Variants in SMYD3 observed in about 807,000 individuals in gnomAD.
The protein encoded by SMYD3 is histone-lysine N-methyltransferase SMYD3.
In SMYD3, 36 loss-of-function variants were observed where a neutral mutation model predicts 57.7. The ratio of observed to expected loss-of-function variants is 0.62; its 90% CI spans 0.48 to 0.82. SMYD3 has a LOEUF of 0.82. SMYD3 is among the 40% of genes least tolerant of loss of function. SMYD3 has a pLI of 0.00. For synonymous variants in SMYD3, 211 were observed against 195.0 expected (o/e 1.08, Z -0.68); for missense variants, 515 against 538.8 (o/e 0.96, Z 0.44).
intron 8 of SMYD3, among the ~76,000 whole-genome samples, chr1:245,873,813 C>T (rs2052348648): frequency 6.6e-6 from 1 of 152,188 alleles, no homozygotes; most frequent in African/African-American, 2.4e-5. Flanking sequence ...GCATGTAAGA[C>T]TGTGTGACAG....
chr1:246,351,450 T>G (rs1464697135), intron 2 of SMYD3, among the ~76,000 whole-genome samples: 1 of 152,246 alleles, frequency 6.6e-6, no homozygotes, highest in South Asian at 2.1e-4. Context: ...CTGCTCCTCC[T>G]CTTTGATCTC....
intron 8 of SMYD3, among the ~76,000 whole-genome samples, chr1:245,887,628 C>T (rs1294481072): frequency 6.6e-6 from 1 of 152,188 alleles, no homozygotes; most frequent in African/African-American, 2.4e-5. Flanking sequence ...AGGTCAATGT[C>T]TCCTGTGAAG....
chr1:246,404,980 C>A lies in SMYD3; in HGVS notation c.165-49886G>T, dbSNP rs2066837741. Among the ~76,000 whole-genome samples the A allele has an allele frequency of 2.0e-5, 3 of 152,042 alleles. No individual in the cohort carries two copies. In the South Asian group the frequency reaches 6.2e-4, roughly 31 times the overall value. On this transcript the variant is annotated intron_variant, in intron 1 of 11. Coordinates refer to ENST00000490107, the MANE Select transcript of SMYD3 (RefSeq NM_001167740.2). ...GCATGATTCTTTTTTTAGACGGGATCTTACTTTGTCACTCAGGCTGAAGTG... is the reference window on the plus strand; with the variant it reads ...GCATGATTCTTTTTTTAGACGGGATATTACTTTGTCACTCAGGCTGAAGTG...
At chr1:245,853,423 G>A (rs1027413761) in intron 10 of SMYD3, among the ~76,000 whole-genome samples, 4 of 152,226 alleles carry the variant, frequency 2.6e-5, no homozygotes, top group African/African-American at 9.6e-5. Flanking sequence ...GTATGTGACG[G>A]CATCGAACGC....
rs2068361017 is a variant in SMYD3, at chr1:246,496,322, CCA to C, written c.164+10730_164+10731del. 2.6e-5 allele frequency among the ~76,000 whole-genome samples: 4 copies of C among 152,178 alleles called. No individual in the cohort carries two copies. The East Asian group carries it at 7.8e-4, about 30-fold the overall frequency. Reference sequence around the variant, plus strand: ...GTGCTGGGATTACAGGCGTGAGCCACCACGCCTGGCCAGTTTCTTGATTTTTT... The same window carrying C: ...GTGCTGGGATTACAGGCGTGAGCCACCGCCTGGCCAGTTTCTTGATTTTTT... On this transcript the variant is annotated intron_variant, in intron 1 of 11. Transcript: ENST00000490107.
intron 1 of SMYD3, among the ~76,000 whole-genome samples, chr1:246,372,445 A>G (rs2066208532): frequency 6.6e-6 from 1 of 152,246 alleles, no homozygotes; most frequent in Admixed American, 6.5e-5. Flanking sequence ...ATCCCTCTAA[A>G]AGGCTATGAC....
At chr1:246,344,605 C>T (rs905635306) in intron 2 of SMYD3, among the ~76,000 whole-genome samples, 16 of 152,260 alleles carry the variant, frequency 1.1e-4, no homozygotes, top group Admixed American at 7.2e-4. Context: ...AGCAGAACTG[C>T]TGGGTCATAC....
At chr1:245,766,296 G>A (rs908872067) in intron 10 of SMYD3, among the ~76,000 whole-genome samples, 10 of 151,274 alleles carry the variant, frequency 6.6e-5, no homozygotes, top group African/African-American at 1.7e-4. Context: ...CCAGCTACTC[G>A]GGAGGCTGAG....
intron 10 of SMYD3, among the ~76,000 whole-genome samples, chr1:245,837,499 G>A (rs927946040): frequency 2.0e-5 from 3 of 152,068 alleles, no homozygotes; most frequent in African/African-American, 4.8e-5. Flanking sequence ...GTGATTCTCT[G>A]TCCTGCAGTC....
chr1:245,798,207 G>A (rs4654111), intron 10 of SMYD3, among the ~76,000 whole-genome samples: 4,109 of 151,804 alleles, frequency 0.027, 175 homozygotes, highest in East Asian at 0.15. Flanking sequence ...CAGCTCCTTA[G>A]CCTGGCCTGC....
At chr1:246,084,241 ACT>A (rs1050432004) in intron 5 of SMYD3, among the ~76,000 whole-genome samples, 1 of 142,158 alleles carries the variant, frequency 7.0e-6, no homozygotes, top group Non-Finnish European at 1.5e-5. Context: ...ACAAGAGCTC[ACT>A]CTGTCACCCA....
chr1:245,837,248 A>T (rs1401323466), intron 10 of SMYD3, among the ~76,000 whole-genome samples: 1 of 151,792 alleles, frequency 6.6e-6, no homozygotes, highest in Non-Finnish European at 1.5e-5. Flanking sequence ...AAAAAAAAAA[A>T]AAAGAAGAAG....
At chr1:246,503,267 A>T (rs2068484492) in intron 1 of SMYD3, among the ~76,000 whole-genome samples, 1 of 152,294 alleles carries the variant, frequency 6.6e-6, no homozygotes, top group Admixed American at 6.5e-5. Flanking sequence ...GGAGGCACTA[A>T]GCCTCATTCT....
chr1:246,422,799 A>G (rs2067162349), intron 1 of SMYD3, among the ~76,000 whole-genome samples: 1 of 152,174 alleles, frequency 6.6e-6, no homozygotes, highest in South Asian at 2.1e-4. Context: ...TCTATCTCCC[A>G]GAATTTCTAC....
At chr1:245,961,620 A>AT (rs982831340) in intron 5 of SMYD3, among the ~76,000 whole-genome samples, 16 of 151,854 alleles carry the variant, frequency 1.1e-4, no homozygotes, top group African/African-American at 3.4e-4. Flanking sequence ...ATATAATTCC[A>AT]TTTTTTTTCC....
intron 5 of SMYD3, among the ~76,000 whole-genome samples, chr1:246,187,483 AT>A (rs1338178272): frequency 6.6e-6 from 1 of 152,008 alleles, no homozygotes; most frequent in South Asian, 2.1e-4. Context: ...ATTTGGCACA[AT>A]TTTTTTTCTT....
At chr1:246,379,408 A>G (rs925180140) in intron 1 of SMYD3, among the ~76,000 whole-genome samples, 3 of 152,142 alleles carry the variant, frequency 2.0e-5, no homozygotes, top group African/African-American at 7.2e-5. Context: ...ATATCTTAGA[A>G]CTAATAGATT....
chr1:246,215,057 T>C (rs2063143901), intron 5 of SMYD3, among the ~76,000 whole-genome samples: 2 of 152,136 alleles, frequency 1.3e-5, no homozygotes, highest in African/African-American at 4.8e-5. Context: ...AATGCGATGA[T>C]TCATCGGTCA....
chr1:246,016,554 G>A (rs1308639059), intron 5 of SMYD3, among the ~76,000 whole-genome samples: 1 of 152,036 alleles, frequency 6.6e-6, no homozygotes. Flanking sequence ...CTGCTCTCCA[G>A]CCTGGGTGAC....
Sources: gnomAD v4.1 joint callset for allele counts (sites outside exome capture counted in the v4.1 genomes callset) on GRCh38, gnomAD v4.1.1 for gene constraint, MANE v1.5 for transcripts, NCBI Gene and HGNC (gene_info 2026-07-23, HGNC 2026-07-21) for gene names.